GAR1: variants seen among roughly 807,000 people sequenced by gnomAD.
The protein encoded by GAR1 is GAR1 ribonucleoprotein.
GAR1 carries 11 observed loss-of-function variants against 29.3 expected under a neutral mutation model. The observed-to-expected ratio is 0.38, with a 90% CI of 0.24 to 0.62. The LOEUF (loss-of-function observed/expected upper bound fraction) is 0.62, where lower values mean the gene tolerates loss of function less well. Among genes scored for constraint, GAR1 ranks in the 20% least tolerant of loss-of-function variants. The probability of loss-of-function intolerance (pLI) is 0.62; values close to 1 mark genes in which losing one functional copy is unlikely to be tolerated. For missense variants in GAR1, 237 were observed against 268.4 expected, an observed-to-expected ratio of 0.88 and a Z score of 0.82; for synonymous variants, 87 against 93.3, an observed-to-expected ratio of 0.93 and a Z score of 0.39.
In GAR1 at chr4:109,822,465, G is replaced by A; in HGVS notation, c.548G>A (p.Gly183Asp). Residue 183 changes from glycine to aspartate, a missense_variant, in exon 5 of 7, where the codon GGT becomes GAT. Gly to Asp is a moderately conservative substitution (Grantham distance 94). Transcript: ENST00000226796. ...GGCCGAGGAGGAGGAAGAGGAGGAG[G>A]TGGCAGAGGTGGTGGCAGAGGCGGT... ...RGGRGGGRGG[G>D]GRGGGRGGGF... The A allele has an allele frequency of 6.2e-7, 1 of 1,601,150 alleles. No individual in the cohort carries two copies. Among genetic ancestry groups the A allele is most frequent in the Non-Finnish European group, 8.5e-7 (1 of 1,172,344 alleles).
rs1579350314 is a variant in GAR1, at chr4:109,815,970, A to G, written c.-13+166A>G. 3 of 667,500 alleles carry G rather than the reference A, an allele frequency of 4.5e-6. No individual in the cohort carries two copies. The East Asian group carries it at 7.6e-5, about 17-fold the overall frequency. The allele number at this position is 667,500 out of a possible 1,614,324, so 41.3% of individuals were successfully genotyped here. On this transcript the variant is annotated intron_variant, in intron 1 of 6. Coordinates refer to ENST00000226796, the MANE Select transcript of GAR1 (RefSeq NM_018983.4). ...GGTGGTGTGTGGTCGGTCGGCGCTC[A>G]CGAGACCATGGAGAAGTAAACTCTT...
chr4:109,819,976 A>G (rs565650277), intron 4 of GAR1, among the ~76,000 whole-genome samples: 2 of 152,284 alleles, frequency 1.3e-5, no homozygotes, highest in South Asian at 2.1e-4. Flanking sequence ...CTTAGTTTCA[A>G]TTGTGTTTTA....
chr4:109,819,205 G>A, intron 4 of GAR1, 145 bp downstream of exon 4: 1 of 695,178 alleles, frequency 1.4e-6, no homozygotes, highest in Non-Finnish European at 2.6e-6. Flanking sequence ...TATAAATATT[G>A]AACACACTAA....
Position 109,822,464 on chromosome 4 carries a change from G to C in GAR1, c.547G>C (p.Gly183Arg). Residue 183 changes from glycine to arginine, a missense_variant, in exon 5 of 7, where the codon GGT becomes CGT. Physicochemically the swap from Gly to Arg is moderately radical, Grantham distance 125 (BLOSUM62 -2). Coordinates refer to ENST00000226796, the MANE Select transcript of GAR1 (RefSeq NM_018983.4). ...RGGRGGGRGG[G>R]GRGGGRGGGF... is the part of the protein sequence containing the mutation. ...AGGCCGAGGAGGAGGAAGAGGAGGA[G>C]GTGGCAGAGGTGGTGGCAGAGGCGG... 6.2e-7 allele frequency: 1 copy of C among 1,600,736 alleles called. No homozygotes were observed. The highest frequency in any genetic ancestry group is 8.5e-7 in the Non-Finnish European group (1 of 1,172,052).
intron 2 of GAR1, 145 bp downstream of exon 2, chr4:109,816,523 G>A (rs938652918): frequency 1.3e-6 from 1 of 776,298 alleles, no homozygotes; most frequent in African/African-American, 1.7e-5. Flanking sequence ...GAAAGCTGAG[G>A]GATACTTAGA....
chr4:109,818,479 C>CTCTTTCTCTCTCTCTT (rs1295734381), intron 3 of GAR1, among the ~76,000 whole-genome samples: 2 of 143,646 alleles, frequency 1.4e-5, no homozygotes, highest in African/African-American at 5.9e-5. Flanking sequence ...TTCTTTCTCT[C>CTCTTTCTCTCTCTCTT]TCTTTCTCTC....
intron 1 of GAR1, 110 bp from the exon 2 acceptor site, chr4:109,816,043 A>G: frequency 9.8e-7 from 1 of 1,024,576 alleles, no homozygotes; most frequent in Non-Finnish European, 1.5e-6. Flanking sequence ...GGGTGAGGTG[A>G]CAGGGCTGCT....
Position 109,818,109 on chromosome 4 carries a change from A to C in GAR1, c.369+19A>C. On this transcript the variant is annotated intron_variant, in intron 3 of 6. Transcript: ENST00000226796. The stretch of plus-strand genomic sequence containing the variant: ...AGATTTTGTATCCTTTTTCATTGGA[A>C]GGCCTGATAATATTCAAAGGTTGCT... 6.4e-7 allele frequency: 1 copy of C among 1,563,616 alleles called. No homozygotes were observed. Among genetic ancestry groups the C allele is most frequent in the South Asian group, 1.2e-5 (1 of 85,668 alleles).
At chr4:109,819,190 C>T in intron 4 of GAR1, 130 bp downstream of exon 4, 1 of 727,970 alleles carries the variant, frequency 1.4e-6, no homozygotes. Context: ...TGAAATGTTC[C>T]ATGCTATAAA....
chr4:109,824,558 C>G lies in GAR1; in HGVS notation c.*127C>G. 3 of 757,472 alleles carry G rather than the reference C, an allele frequency of 4.0e-6. No homozygotes were observed. The South Asian group carries it at 4.8e-5, about 12-fold the overall frequency. 46.9% of individuals were successfully genotyped at this position (757,472 alleles called of 1,614,324 possible). On this transcript the variant is annotated 3_prime_UTR_variant, in exon 7 of 7. Transcript: ENST00000226796. ...TCTTGGTCATTTTATGACAATGGATCTAAAATGTCAGCATCATGCAAAGTG... is the reference window on the plus strand; with the variant it reads ...TCTTGGTCATTTTATGACAATGGATGTAAAATGTCAGCATCATGCAAAGTG...
chr4:109,820,236 T>TA (rs942142119), intron 4 of GAR1, among the ~76,000 whole-genome samples: 1 of 151,904 alleles, frequency 6.6e-6, no homozygotes, highest in African/African-American at 2.4e-5. Flanking sequence ...ATTGAAGAAG[T>TA]AAAAAAATCA....
chr4:109,824,314 A>C, intron 6 of GAR1, 104 bp from the exon 7 acceptor site: 1 of 779,330 alleles, frequency 1.3e-6, no homozygotes, highest in African/African-American at 1.7e-5. Context: ...ATGTTTGCTA[A>C]ACATTATTGG....
At chr4:109,824,281 A>G in intron 6 of GAR1, 137 bp from the exon 7 acceptor site, 2 of 650,152 alleles carry the variant, frequency 3.1e-6, no homozygotes, top group Non-Finnish European at 5.5e-6. Context: ...TGTAATATGA[A>G]TGACAGTTAA....
At position 109,816,380 on chromosome 4, in the gene GAR1, T is replaced by A; in HGVS notation, c.214+2T>A. 2 of 1,613,116 alleles carry A rather than the reference T, an allele frequency of 1.2e-6. No individual in the cohort carries two copies. On this transcript the variant is annotated splice_donor_variant, in intron 2 of 6. Transcript: ENST00000226796. LOFTEE classifies it high-confidence loss of function. ...AAGGACCTCCAGAACGTGTAGTCTG[T>A]ATGCAGTCTTCAGTATTTAGCTTAT... is the stretch of plus-strand genomic sequence containing the variant.
Position 109,816,150 on chromosome 4 carries a change from C to G in GAR1, c.-12-3C>G. On this transcript the variant is annotated splice_region_variant and splice_polypyrimidine_tract_variant and intron_variant, in intron 1 of 6. Coordinates refer to ENST00000226796, the MANE Select transcript of GAR1 (RefSeq NM_018983.4). ...AAGACATAGGTCGTTTTTTTTTCAT[C>G]AGGGAGGAGAGAGAATGTCTTTTCG... 1 of 1,476,570 alleles carries G rather than the reference C, an allele frequency of 6.8e-7. No homozygotes were observed. The highest frequency in any genetic ancestry group is 9.3e-7 in the Non-Finnish European group (1 of 1,077,552). 91.5% of individuals were successfully genotyped at this position (1,476,570 alleles called of 1,614,324 possible).
rs150273267 is a variant in GAR1, at chr4:109,816,187, G to C, written c.23G>C (p.Arg8Pro). ...AGAATGTCTTTTCGAGGCGGAGGTC[G>C]TGGAGGCTTTAATCGAGGTGGTGGA... MSFRGGGRGGFNRGGGGG... is the reference protein window; with the variant it reads MSFRGGGPGGFNRGGGGG... Residue 8 changes from arginine to proline, a missense_variant, in exon 2 of 7, where the codon CGT (arginine) becomes CCT (proline). By Grantham distance (103) the Arg-to-Pro change is moderately radical. Coordinates refer to ENST00000226796, the MANE Select transcript of GAR1 (RefSeq NM_018983.4). 2.2e-3 allele frequency: 3,532 copies of C among 1,612,488 alleles called. 23 individuals are homozygous for C. Among genetic ancestry groups the C allele is most frequent in the Non-Finnish European group, 1.6e-3 (1,890 of 1,179,928 alleles).
intron 2 of GAR1, among the ~76,000 whole-genome samples, chr4:109,816,872 A>G (rs1472158118): frequency 6.6e-6 from 1 of 152,234 alleles, no homozygotes; most frequent in African/African-American, 2.4e-5. Flanking sequence ...TCTGACTCCA[A>G]AGCCCATGCT....
chr4:109,818,841 A>G (rs1468138030), intron 3 of GAR1, among the ~76,000 whole-genome samples, 160 bp from the exon 4 acceptor site: 1 of 152,066 alleles, frequency 6.6e-6, no homozygotes, highest in East Asian at 1.9e-4. Flanking sequence ...CTGGGTTTGC[A>G]GGTGTGAGCC....
intron 3 of GAR1, among the ~76,000 whole-genome samples, chr4:109,818,389 A>G (rs909612778): frequency 6.6e-6 from 1 of 152,068 alleles, no homozygotes; most frequent in African/African-American, 2.4e-5. Flanking sequence ...ATGTAGAATT[A>G]GAAGTTGTTT....
Sources: allele counts gnomAD v4.1 joint callset (sites outside exome capture counted in the v4.1 genomes callset), GRCh38; gene constraint gnomAD v4.1.1; transcripts MANE v1.5; gene names NCBI Gene and HGNC (gene_info 2026-07-23, HGNC 2026-07-21).